The following EMILIN2 variants were observed in gnomAD, a reference collection of about 807,000 sequenced individuals.
The protein encoded by EMILIN2 is EMILIN-2.
EMILIN2 carries 71 observed loss-of-function variants against 87.1 expected under a neutral mutation model. The observed-to-expected ratio is 0.82, with a 90% confidence interval of 0.67 to 0.99. The LOEUF is 0.99. Ranked by LOEUF, EMILIN2 falls within the 50% of genes least tolerant of loss-of-function variation. The pLI is 0.00. For missense variants in EMILIN2, 1,407 were observed against 1,371.8 expected (o/e 1.03, Z -0.40); for synonymous variants, 581 against 563.4 (o/e 1.03, Z -0.44).
intron 2 of EMILIN2, among the ~76,000 whole-genome samples, chr18:2,849,044 GT>G (rs1027457599): frequency 6.6e-6 from 1 of 152,138 alleles, no homozygotes; most frequent in African/African-American, 2.4e-5. Flanking sequence ...CTTAGACGAG[GT>G]CCCCATTTCC....
rs753909713 is a variant in EMILIN2 at position 2,847,851 on chromosome 18, C to G, written c.177C>G (p.Ser59=). 3.7e-6 allele frequency: 6 copies of G among 1,613,676 alleles called. No individual in the cohort carries two copies. The highest frequency in any genetic ancestry group is 4.2e-6 in the Non-Finnish European group (5 of 1,179,836). ...AYIVNKNVSC[S]VLEGSESFIQ... is the part of the protein sequence containing the mutation. ...TCGTGAACAAGAATGTGAGCTGCTC[C>G]GTGCTGGAGGGAAGTGAGAGTTTTA... Residue 59 remains serine, a synonymous_variant, in exon 2 of 8, where the codon TCC becomes TCG. Coordinates refer to ENST00000254528, the MANE Select transcript of EMILIN2 (RefSeq NM_032048.3). This position sits in a 1 kb window ranked among gnomAD's most constrained non-coding sequence, Gnocchi z 4.5.
At chr18:2,902,765 A>C (rs1450136116) in intron 4 of EMILIN2, among the ~76,000 whole-genome samples, 2 of 152,192 alleles carry the variant, frequency 1.3e-5, no homozygotes, top group African/African-American at 4.8e-5. Flanking sequence ...AAAGGTGTGA[A>C]TGAAGGATCC....
Position 2,863,438 on chromosome 18 carries a change from T to G in EMILIN2, c.257+15507T>G, listed in dbSNP as rs561811073. On this transcript the variant is annotated intron_variant, in intron 2 of 7. Transcript: ENST00000254528. ...CGTTGTGTCTTTGTTCTCGTTGGTT[T>G]CACAGAACATCTTTATTTCTGCCTT... Among the ~76,000 whole-genome samples, 3 of 152,374 alleles carry G rather than the reference T, an allele frequency of 2.0e-5. No homozygotes were observed. The South Asian group carries it at 6.2e-4, about 32-fold the overall frequency.
chr18:2,860,742 G>A (rs966145918), intron 2 of EMILIN2, among the ~76,000 whole-genome samples: 1 of 152,096 alleles, frequency 6.6e-6, no homozygotes, highest in African/African-American at 2.4e-5. Flanking sequence ...TAATCCTCTG[G>A]GTACATACCC....
At chr18:2,905,402 C>G (rs1336458904) in intron 4 of EMILIN2, among the ~76,000 whole-genome samples, 2 of 151,018 alleles carry the variant, frequency 1.3e-5, no homozygotes, top group African/African-American at 4.9e-5. Flanking sequence ...ATATGGGGTA[C>G]ATGAGGTATT....
At chr18:2,889,225 C>T (rs898392381) in intron 3 of EMILIN2, among the ~76,000 whole-genome samples, 3 of 150,136 alleles carry the variant, frequency 2.0e-5, no homozygotes. Flanking sequence ...GCAACCTCCG[C>T]CTCCTGGGTT....
rs748210111 is a variant in EMILIN2, at chr18:2,891,558, C to A, written c.1431C>A (p.Gly477=). Residue 477 remains glycine, a synonymous_variant, in exon 4 of 8, where the codon GGC becomes GGA. Transcript: ENST00000254528. The surrounding 1 kb of genome is among the most constrained non-coding windows in gnomAD (Gnocchi z 4.6). ...TTTACATTGAGGAAACCCTTCGGGG[C>A]GCCATTAATGGAGAGGTGGGTGACT... ...HCFYIEETLR[G]AINGEVGDLK... 1.2e-6 allele frequency: 2 copies of A among 1,613,972 alleles called. No individual in the cohort carries two copies. The highest frequency in any genetic ancestry group is 1.7e-6 in the Non-Finnish European group (2 of 1,180,044).
In EMILIN2 at chr18:2,906,967, G is replaced by C. The variant is rs563986921; in HGVS notation, c.2544G>C (p.Thr848=). 1.4e-5 allele frequency: 19 copies of C among 1,392,310 alleles called. No individual in the cohort carries two copies. Among genetic ancestry groups the C allele is most frequent in the South Asian group, 3.1e-5 (2 of 64,066 alleles). 86.2% of individuals were successfully genotyped at this position (1,392,310 alleles called of 1,614,324 possible). The change falls in exon 5 of 8, where the codon ACG becomes ACC. Residue 848 remains threonine (T), a synonymous_variant. Coordinates refer to ENST00000254528, the MANE Select transcript of EMILIN2 (RefSeq NM_032048.3). ...PPGSTGVIAE[T]GQAGPPAGAG... ...GCTCCACCGGGGTCATCGCGGAGAC[G>C]GGCCAGGCCGGGCCCCCCGCAGGCG...
chr18:2,889,906 T>C (rs2076825691), intron 3 of EMILIN2, among the ~76,000 whole-genome samples: 1 of 152,198 alleles, frequency 6.6e-6, no homozygotes, highest in Non-Finnish European at 1.5e-5. Flanking sequence ...GAGACACTGA[T>C]GAATAGTTGC....
rs1464532031 is a variant in EMILIN2, at chr18:2,915,572, G to C, written c.*2168G>C. 1.3e-5 allele frequency: 2 copies of C among 152,002 alleles called. No individual in the cohort carries two copies. 9.4% of individuals were successfully genotyped at this position (152,002 alleles called of 1,614,324 possible). A position where few individuals can be genotyped will look rare whatever the true frequency, so the allele number is the denominator to read the frequency against. ...CAGTCCTACTCTGTCGCCCAGGCTG[G>C]AGTGCAGTAGCGCGATCTCAGCTCA... On this transcript the variant is annotated 3_prime_UTR_variant, in exon 8 of 8. Coordinates refer to ENST00000254528, the MANE Select transcript of EMILIN2 (RefSeq NM_032048.3).
At chr18:2,886,421 A>G (rs1439542791) in intron 3 of EMILIN2, among the ~76,000 whole-genome samples, 1 of 152,244 alleles carries the variant, frequency 6.6e-6, no homozygotes, top group Admixed American at 6.5e-5. Context: ...ACTAATAGGA[A>G]AAACAATGAC....
At chr18:2,887,648 T>A (rs1288692318) in intron 3 of EMILIN2, among the ~76,000 whole-genome samples, 3 of 152,208 alleles carry the variant, frequency 2.0e-5, no homozygotes, top group African/African-American at 7.2e-5. Context: ...CCAGAAGCAG[T>A]TGCTGACACC....
chr18:2,901,654 A>G (rs1047560577), intron 4 of EMILIN2, among the ~76,000 whole-genome samples: 1 of 152,188 alleles, frequency 6.6e-6, no homozygotes, highest in African/African-American at 2.4e-5. Flanking sequence ...ATGAGGAGCA[A>G]CCTTGGCTCT....
rs1351946046 is a variant in EMILIN2, at chr18:2,885,594, C to T, written c.433+455C>T. Among the ~76,000 whole-genome samples, 21 of 152,360 alleles carry T rather than the reference C, an allele frequency of 1.4e-4. No individual in the cohort carries two copies. In the East Asian group the frequency reaches 1.7e-3, roughly 13 times the overall value. ...AGTGCAGTGGCGCAATCTCGGTTCA[C>T]TGCAACCTCTGCCTACCTGGTTCAA... is the stretch of plus-strand genomic sequence containing the variant. On this transcript the variant is annotated intron_variant, in intron 3 of 7. Transcript: ENST00000254528.
At position 2,847,238 on chromosome 18, in the gene EMILIN2, TG is replaced by T; in HGVS notation, c.52del (p.Ala18ArgfsTer35). 7.9e-7 allele frequency: 1 copy of T among 1,269,932 alleles called. No homozygotes were observed. The highest frequency in any genetic ancestry group is 9.9e-7 in the Non-Finnish European group (1 of 1,009,822). The allele number at this position is 1,269,932 out of a possible 1,614,324, so 78.7% of individuals were successfully genotyped here. A position where few individuals can be genotyped will look rare whatever the true frequency, so the allele number is the denominator to read the frequency against. On this transcript the variant is annotated frameshift_variant, in exon 1 of 8. Coordinates refer to ENST00000254528, the MANE Select transcript of EMILIN2 (RefSeq NM_032048.3). LOFTEE classifies it high-confidence loss of function. This position sits in a 1 kb window ranked among gnomAD's most constrained non-coding sequence, Gnocchi z 4.5. ...PWPRVPWRWA[L>X]ALLALVGAGL... ...CCCCGCGTGCCCTGGCGCTGGGCGC[TG>T]GCGCTGCTGGCCCTGGTTGGCGCGG... is the stretch of plus-strand genomic sequence containing the variant.
chr18:2,879,662 C>T (rs1478277394), intron 2 of EMILIN2, among the ~76,000 whole-genome samples: 4 of 151,550 alleles, frequency 2.6e-5, no homozygotes, highest in African/African-American at 9.7e-5. Flanking sequence ...CTCCGTCCTC[C>T]CTGCCCCCAA....
Position 2,848,506 on chromosome 18 carries a change from G to T in EMILIN2, c.257+575G>T, listed in dbSNP as rs116510673. 0.016 allele frequency among the ~76,000 whole-genome samples: 2,434 copies of T among 151,762 alleles called. 50 individuals are homozygous for T. The highest frequency in any genetic ancestry group is 0.055 in the African/African-American group (2,275 of 41,354). On this transcript the variant is annotated intron_variant, in intron 2 of 7. Transcript: ENST00000254528. This position sits in a 1 kb window ranked among gnomAD's most constrained non-coding sequence, Gnocchi z 4.1. ...TCCCTCCCCGCAACTTAGATTTGGA[G>T]ATTCTCTAGAGATTGTGGGAGAGAA...
Position 2,868,360 on chromosome 18 carries a change from G to A in EMILIN2, c.258-16604G>A, listed in dbSNP as rs1226135966. On this transcript the variant is annotated intron_variant, in intron 2 of 7. Coordinates refer to ENST00000254528, the MANE Select transcript of EMILIN2 (RefSeq NM_032048.3). ...GCTCCTCACATCCCAGACGATGGGC[G>A]GCCACGCAGAGACACTCCTCACTTC... Among the ~76,000 whole-genome samples, 9 of 152,280 alleles carry A rather than the reference G, an allele frequency of 5.9e-5. No homozygotes were observed. In the South Asian group the frequency reaches 1.7e-3, roughly 28 times the overall value.
intron 2 of EMILIN2, among the ~76,000 whole-genome samples, chr18:2,858,756 C>T (rs2076645493): frequency 6.6e-6 from 1 of 151,224 alleles, no homozygotes; most frequent in Non-Finnish European, 1.5e-5. Flanking sequence ...CCACCTCAGC[C>T]TCCCGAGTAG....
Sources: allele counts gnomAD v4.1 joint callset (sites outside exome capture counted in the v4.1 genomes callset), GRCh38; gene constraint gnomAD v4.1.1; non-coding constraint Gnocchi (gnomAD v3.1); transcripts MANE v1.5; gene names NCBI Gene and HGNC (gene_info 2026-07-23, HGNC 2026-07-21).